CAMSAP2: variants seen among roughly 807,000 people sequenced by gnomAD.
The protein encoded by CAMSAP2 is calmodulin regulated spectrin associated protein family member 2.
Under a neutral mutation model 146.1 loss-of-function variants are expected in CAMSAP2, and 26 were observed. That is an observed-to-expected ratio of 0.18 (90% confidence interval 0.13 to 0.25). CAMSAP2 has a LOEUF of 0.25. Among genes scored for constraint, CAMSAP2 ranks in the 10% least tolerant of loss-of-function variants. The pLI, the probability that CAMSAP2 is intolerant of heterozygous loss-of-function variation, is 1.00. For missense variants in CAMSAP2, 1,381 were observed against 1,759.3 expected (o/e 0.78, Z 3.85); for synonymous variants, 499 against 596.6 (o/e 0.84, Z 2.38).
intron 2 of CAMSAP2, among the ~76,000 whole-genome samples, chr1:200,782,570 T>C (rs1190328882): frequency 6.6e-6 from 1 of 152,098 alleles, no homozygotes; most frequent in Non-Finnish European, 1.5e-5. Context: ...CACGAACTCT[T>C]TTTTTACTAG....
chr1:200,827,263 A>G (rs573217697), intron 4 of CAMSAP2, among the ~76,000 whole-genome samples: 7 of 152,364 alleles, frequency 4.6e-5, no homozygotes, highest in African/African-American at 1.7e-4. Flanking sequence ...TACAAGAAAT[A>G]TGGAATAACT....
At chr1:200,760,283 C>A (rs772558794) in intron 1 of CAMSAP2, among the ~76,000 whole-genome samples, 2 of 152,086 alleles carry the variant, frequency 1.3e-5, no homozygotes, top group Non-Finnish European at 2.9e-5. Context: ...TGCTATAATT[C>A]TTTTTCAGTA....
intron 2 of CAMSAP2, among the ~76,000 whole-genome samples, chr1:200,802,334 T>C (rs191277210): frequency 5.0e-4 from 76 of 152,342 alleles, no homozygotes; most frequent in African/African-American, 1.8e-3. Context: ...CAAATGTAGA[T>C]ACTCATCCTG....
chr1:200,761,163 T>C (rs1664790464), intron 2 of CAMSAP2, 65 bp downstream of exon 2: 29 of 1,431,858 alleles, frequency 2.0e-5, no homozygotes, highest in Middle Eastern at 3.5e-4. Context: ...GTGAATGATA[T>C]ACTGTAAAAC....
intron 3 of CAMSAP2, among the ~76,000 whole-genome samples, chr1:200,807,763 A>G (rs1666219702): frequency 6.8e-6 from 1 of 146,400 alleles, no homozygotes; most frequent in Non-Finnish European, 1.5e-5. Context: ...TTTTTTGAGA[A>G]GTAGTCTCGC....
chr1:200,800,939 G>A (rs2102126903), intron 2 of CAMSAP2, among the ~76,000 whole-genome samples: 1 of 152,252 alleles, frequency 6.6e-6, no homozygotes, highest in South Asian at 2.1e-4. Flanking sequence ...AGTTTGACTG[G>A]ATATGAAATT....
chr1:200,817,960 G>A (rs931583537), intron 4 of CAMSAP2, among the ~76,000 whole-genome samples: 1 of 152,084 alleles, frequency 6.6e-6, no homozygotes, highest in East Asian at 1.9e-4. Flanking sequence ...CCTCTTCCCT[G>A]TTACGTCCCA....
intron 2 of CAMSAP2, among the ~76,000 whole-genome samples, chr1:200,790,353 G>C (rs1048821836): frequency 6.6e-6 from 1 of 152,144 alleles, no homozygotes; most frequent in Non-Finnish European, 1.5e-5. Context: ...CAGCGGGGCT[G>C]GGGGGAAGGG....
intron 2 of CAMSAP2, among the ~76,000 whole-genome samples, chr1:200,784,230 G>GT (rs1345790029): frequency 1.3e-4 from 19 of 151,260 alleles, no homozygotes; most frequent in South Asian, 1.3e-3. Flanking sequence ...CGGCTTTGTT[G>GT]TTTTTTATCA....
At chr1:200,801,010 A>T (rs1244765617) in intron 2 of CAMSAP2, among the ~76,000 whole-genome samples, 1 of 152,164 alleles carries the variant, frequency 6.6e-6, no homozygotes, top group Non-Finnish European at 1.5e-5. Context: ...TCACACCTGT[A>T]ATTGCAGCAC....
chr1:200,833,309 C>G (rs1667092480), intron 6 of CAMSAP2, among the ~76,000 whole-genome samples: 1 of 151,880 alleles, frequency 6.6e-6, no homozygotes, highest in Non-Finnish European at 1.5e-5. Context: ...GCCTGTAATC[C>G]CAGCACTTTG....
rs1667680549 is a variant in CAMSAP2, at chr1:200,853,657, A to G, written c.3823+162A>G. Among the ~76,000 whole-genome samples, 1 of 152,220 alleles carries G rather than the reference A, an allele frequency of 6.6e-6. No individual in the cohort carries two copies. On this transcript the variant is annotated intron_variant, in intron 13 of 16. Transcript: ENST00000358823. The surrounding 1 kb of genome is among the most constrained non-coding windows in gnomAD (Gnocchi z 5.1). ...AAAATGAGCAAATGAAGTTTTTAAT[A>G]AATTAAATGTATTATGTGTGCATGC...
intron 1 of CAMSAP2, among the ~76,000 whole-genome samples, chr1:200,751,441 C>T (rs1343458361): frequency 7.1e-6 from 1 of 140,278 alleles, no homozygotes; most frequent in African/African-American, 2.7e-5. Context: ...GAGGCTGAGA[C>T]AGGAGAAGCA....
At chr1:200,815,489 A>G in intron 3 of CAMSAP2, 72 bp from the exon 4 acceptor site, 1 of 754,874 alleles carries the variant, frequency 1.3e-6, no homozygotes, top group Non-Finnish European at 2.0e-6. Context: ...AATGTGTGTT[A>G]TTTTATTGTT....
chr1:200,850,401 G>A (rs1464635037), intron 11 of CAMSAP2, among the ~76,000 whole-genome samples, 167 bp downstream of exon 11: 4 of 152,058 alleles, frequency 2.6e-5, no homozygotes, highest in South Asian at 2.1e-4. Flanking sequence ...GTGGTTTCCA[G>A]TATGGACTCA....
intron 2 of CAMSAP2, among the ~76,000 whole-genome samples, chr1:200,776,610 A>C (rs1209289547): frequency 2.0e-5 from 3 of 152,244 alleles, no homozygotes; most frequent in African/African-American, 7.2e-5. Context: ...CTGTAATCCC[A>C]GTACTTGGGA....
intron 9 of CAMSAP2, 98 bp downstream of exon 9, chr1:200,847,390 T>C: frequency 1.2e-6 from 1 of 844,638 alleles, no homozygotes; most frequent in Admixed American, 2.9e-5. Context: ...CCAGGGTTTT[T>C]TTGTGTGTGT....
chr1:200,784,944 G>A (rs1462200287), intron 2 of CAMSAP2, among the ~76,000 whole-genome samples: 3 of 152,134 alleles, frequency 2.0e-5, no homozygotes, highest in Non-Finnish European at 1.5e-5. Context: ...AGAAATATAT[G>A]TATGTTTATG....
At chr1:200,816,455 G>C (rs1217326517) in intron 4 of CAMSAP2, among the ~76,000 whole-genome samples, 1 of 148,816 alleles carries the variant, frequency 6.7e-6, no homozygotes, top group Non-Finnish European at 1.5e-5. Flanking sequence ...TTAGCCAGGC[G>C]TGGTGGCCGG....
Sources: allele counts gnomAD v4.1 joint callset (sites outside exome capture counted in the v4.1 genomes callset), GRCh38; gene constraint gnomAD v4.1.1; non-coding constraint Gnocchi (gnomAD v3.1); transcripts MANE v1.5; gene names NCBI Gene and HGNC (gene_info 2026-07-23, HGNC 2026-07-21).